CPEB1: variants seen among roughly 807,000 people sequenced by gnomAD.
CPEB1 encodes cytoplasmic polyadenylation element-binding protein 1.
In CPEB1, 7 loss-of-function variants were observed where a neutral mutation model predicts 65.8. The observed-to-expected ratio is 0.11, with a 90% CI of 0.06 to 0.20. CPEB1 has a LOEUF of 0.20. Ranked by LOEUF, CPEB1 falls within the 10% of genes least tolerant of loss-of-function variation. CPEB1 has a pLI of 1.00. For missense variants in CPEB1, 551 were observed against 712.2 expected, an observed-to-expected ratio of 0.77 and a Z score of 2.58; for synonymous variants, 262 against 260.0, an observed-to-expected ratio of 1.01 and a Z score of -0.08.
chr15:82,579,918 C>CAAAAAAAAAAAAAAA lies in CPEB1; in HGVS notation c.272-8401_272-8387dup, dbSNP rs59925251. On this transcript the variant is annotated intron_variant, in intron 3 of 12. Coordinates refer to ENST00000684509, the MANE Select transcript of CPEB1 (RefSeq NM_001365242.1). ...TGGGCGACAGAGTGAGACTCCGTCTCAAAAAAAAAAAAAAAAAAAAAAAAA... is the reference window on the plus strand; with the variant it reads ...TGGGCGACAGAGTGAGACTCCGTCTCAAAAAAAAAAAAAAAAAAAAAAAAAAAAAAAAAAAAAAAA... Among the ~76,000 whole-genome samples, 3 of 32,680 alleles carry CAAAAAAAAAAAAAAA rather than the reference C, an allele frequency of 9.2e-5. 1 individual carries two copies. Among genetic ancestry groups the CAAAAAAAAAAAAAAA allele is most frequent in the Non-Finnish European group, 2.1e-4 (3 of 14,606 alleles). 21.4% of individuals were successfully genotyped at this position (32,680 alleles called of 152,430 possible).
At chr15:82,641,446 T>C (rs569231054) in intron 1 of CPEB1, among the ~76,000 whole-genome samples, 1 of 152,336 alleles carries the variant, frequency 6.6e-6, no homozygotes, top group East Asian at 1.9e-4. Flanking sequence ...AGAGGAGAGC[T>C]ACTCCCACAC....
intron 3 of CPEB1, among the ~76,000 whole-genome samples, chr15:82,602,781 G>A (rs1339197692): frequency 6.6e-6 from 1 of 152,124 alleles, no homozygotes; most frequent in Non-Finnish European, 1.5e-5. Flanking sequence ...GGGAGGCGGA[G>A]GTTACAGTGA....
intron 10 of CPEB1, among the ~76,000 whole-genome samples, chr15:82,548,959 T>C (rs1555452643): frequency 5.3e-5 from 8 of 152,224 alleles, no homozygotes; most frequent in Non-Finnish European, 1.2e-4. Context: ...CAAAACCTAG[T>C]GGTTAGGCCC....
intron 1 of CPEB1, among the ~76,000 whole-genome samples, chr15:82,630,536 G>A (rs932252607): frequency 6.6e-6 from 1 of 152,014 alleles, no homozygotes; most frequent in Admixed American, 6.6e-5. Flanking sequence ...AACCCAGGAG[G>A]CAGAGGTTGC....
chr15:82,571,231 G>A, intron 4 of CPEB1, 113 bp downstream of exon 4: 10 of 1,344,560 alleles, frequency 7.4e-6, no homozygotes, highest in Non-Finnish European at 1.0e-5. Flanking sequence ...TGTTGTATGT[G>A]TGTATGGTGG....
chr15:82,579,175 T>A (rs762046142), intron 3 of CPEB1, among the ~76,000 whole-genome samples: 1 of 152,128 alleles, frequency 6.6e-6, no homozygotes, highest in Non-Finnish European at 1.5e-5. Context: ...TAAAAACTAT[T>A]TCCAGGCTAG....
intron 9 of CPEB1, 50 bp downstream of exon 9, chr15:82,552,430 C>T: frequency 6.7e-7 from 1 of 1,489,806 alleles, no homozygotes; most frequent in Non-Finnish European, 8.9e-7. Flanking sequence ...AAATCCAGTG[C>T]CTCAATATTC....
rs202018031 is a variant in CPEB1, at chr15:82,627,360, T to G, written c.104A>C (p.Glu35Ala). The change falls in exon 3 of 13, where the codon GAA becomes GCA. Residue 35 changes from glutamate to alanine, a missense_variant. Transcript: ENST00000684509. ...CCAGCAATCTTTTATCCTTCCTGCT[T>G]CTTCTTCCTAGACACAGAAAAAAAA... ...DCLLLIPLEEEAGRIKDCWDN... is the reference protein window; with the variant it reads ...DCLLLIPLEEAAGRIKDCWDN... The G allele has an allele frequency of 1.6e-3, 2,536 of 1,610,672 alleles. 5 individuals are homozygous for G. Among genetic ancestry groups the G allele is most frequent in the Non-Finnish European group, 2.0e-3 (2,330 of 1,178,770 alleles).
chr15:82,559,565 G>C (rs1396041771), intron 4 of CPEB1, among the ~76,000 whole-genome samples: 1 of 152,162 alleles, frequency 6.6e-6, no homozygotes, highest in Non-Finnish European at 1.5e-5. Flanking sequence ...TTTATATCTA[G>C]CCAGTCTAAT....
intron 1 of CPEB1, among the ~76,000 whole-genome samples, chr15:82,630,560 T>C (rs1596132999): frequency 6.6e-6 from 1 of 151,930 alleles, no homozygotes. Flanking sequence ...GAGCAGAGAT[T>C]GTGCCACCAC....
At chr15:82,599,206 T>C (rs1429467756) in intron 3 of CPEB1, among the ~76,000 whole-genome samples, 2 of 152,058 alleles carry the variant, frequency 1.3e-5, no homozygotes, top group African/African-American at 2.4e-5. Context: ...ATAAAAACGT[T>C]GAAAAATACA....
intron 4 of CPEB1, among the ~76,000 whole-genome samples, chr15:82,569,231 G>A (rs1185574778): frequency 1.3e-5 from 2 of 152,202 alleles, no homozygotes; most frequent in Admixed American, 1.3e-4. Flanking sequence ...CCAGGAGGTA[G>A]TACCCTCATG....
chr15:82,612,006 C>T (rs942172937), intron 3 of CPEB1, among the ~76,000 whole-genome samples: 49 of 151,178 alleles, frequency 3.2e-4, no homozygotes, highest in African/African-American at 1.1e-3. Flanking sequence ...GTCAGGAGAT[C>T]GAGACCATCC....
chr15:82,642,964 AAACAT>A (rs1440325626), intron 1 of CPEB1, among the ~76,000 whole-genome samples: 1 of 152,234 alleles, frequency 6.6e-6, no homozygotes, highest in Non-Finnish European at 1.5e-5. Context: ...CCCTTAAAAT[AAACAT>A]AACTTTAGAA....
intron 1 of CPEB1, chr15:82,641,634 T>C (rs939702502): frequency 1.3e-5 from 2 of 152,122 alleles, no homozygotes; most frequent in Non-Finnish European, 2.9e-5. Flanking sequence ...CCTTTAGACC[T>C]GCCCTCTGGG....
At chr15:82,627,404 C>A (rs201709014) in intron 2 of CPEB1, 37 bp from the exon 3 acceptor site, 23 of 1,523,404 alleles carry the variant, frequency 1.5e-5, no homozygotes, top group Non-Finnish European at 2.0e-5. Flanking sequence ...AGGTTTTCTA[C>A]ACTCCTTTAT....
chr15:82,611,523 G>A (rs2044151140), intron 3 of CPEB1, among the ~76,000 whole-genome samples: 1 of 152,022 alleles, frequency 6.6e-6, no homozygotes, highest in African/African-American at 2.4e-5. Flanking sequence ...TTGGGAGGCT[G>A]AGGCAGGAGG....
chr15:82,639,929 T>C (rs1486100044), intron 1 of CPEB1, among the ~76,000 whole-genome samples: 1 of 152,110 alleles, frequency 6.6e-6, no homozygotes, highest in Admixed American at 6.6e-5. Flanking sequence ...ATGTTGTCAG[T>C]TGTAGGGGAA....
At chr15:82,562,183 T>C (rs527835156) in intron 4 of CPEB1, 1 of 455,290 alleles carries the variant, frequency 2.2e-6, no homozygotes, top group East Asian at 7.0e-5. Flanking sequence ...TCTTTAGGAC[T>C]TCACATCTGT....
Sources: gnomAD v4.1 joint callset for allele counts (sites outside exome capture counted in the v4.1 genomes callset) on GRCh38, gnomAD v4.1.1 for gene constraint, MANE v1.5 for transcripts, NCBI Gene and HGNC (gene_info 2026-07-23, HGNC 2026-07-21) for gene names.